The following NELL2 variants were observed in gnomAD, a reference collection of about 807,000 sequenced individuals.
NELL2 encodes the protein protein kinase C-binding protein NELL2.
In NELL2, 41 loss-of-function variants were observed where a neutral mutation model predicts 109.6. That is an observed-to-expected ratio of 0.37 (90% CI 0.29 to 0.49). NELL2 has a LOEUF of 0.49. Among genes scored for constraint, NELL2 ranks in the 20% least tolerant of loss-of-function variants. The probability of loss-of-function intolerance (pLI) is 0.98; values close to 1 mark genes in which losing one functional copy is unlikely to be tolerated. For missense variants in NELL2, 900 were observed against 1,008.3 expected, an observed-to-expected ratio of 0.89 and a Z score of 1.45; for synonymous variants, 355 against 344.7, an observed-to-expected ratio of 1.03 and a Z score of -0.33.
At chr12:44,909,916 T>G (rs1005465692) in intron 1 of NELL2, among the ~76,000 whole-genome samples, 1 of 151,988 alleles carries the variant, frequency 6.6e-6, no homozygotes, top group African/African-American at 2.4e-5. Context: ...CTGGAATAGC[T>G]GTCCAGCTAT....
chr12:44,789,061 A>G (rs1942286994), intron 3 of NELL2, among the ~76,000 whole-genome samples: 1 of 151,186 alleles, frequency 6.6e-6, no homozygotes, highest in Non-Finnish European at 1.5e-5. Context: ...GTCCTTCCCT[A>G]CTCACCCTGG....
At chr12:44,772,741 T>C (rs1941596895) in intron 9 of NELL2, among the ~76,000 whole-genome samples, 4 of 152,178 alleles carry the variant, frequency 2.6e-5, no homozygotes, top group Admixed American at 1.3e-4. Flanking sequence ...ATAAAGTCGC[T>C]TAATACTTAT....
chr12:44,743,260 T>C (rs1001654654), intron 9 of NELL2, among the ~76,000 whole-genome samples: 1 of 152,138 alleles, frequency 6.6e-6, no homozygotes, highest in African/African-American at 2.4e-5. Flanking sequence ...CTGAGAGATT[T>C]TGTCACCACC....
At chr12:44,883,897 GA>G (rs1282752803) in intron 1 of NELL2, among the ~76,000 whole-genome samples, 10 of 151,720 alleles carry the variant, frequency 6.6e-5, no homozygotes, top group Non-Finnish European at 1.0e-4. Context: ...AAGAAAGCAG[GA>G]AATAGTTAAG....
intron 8 of NELL2, among the ~76,000 whole-genome samples, 177 bp downstream of exon 8, chr12:44,775,843 TAG>T (rs1941736794): frequency 6.6e-6 from 1 of 152,246 alleles, no homozygotes; most frequent in African/African-American, 2.4e-5. Flanking sequence ...CTTTAGAAGC[TAG>T]AAAGTGTTTT....
chr12:44,554,834 G>T (rs950487520), intron 15 of NELL2, among the ~76,000 whole-genome samples: 1 of 152,184 alleles, frequency 6.6e-6, no homozygotes, highest in Non-Finnish European at 1.5e-5. Context: ...ATTGAGGAGG[G>T]AGAGTTGGTG....
At chr12:44,824,292 T>G (rs189049702) in intron 2 of NELL2, among the ~76,000 whole-genome samples, 42 of 152,356 alleles carry the variant, frequency 2.8e-4, no homozygotes, top group African/African-American at 9.9e-4. Context: ...TTTGCCTCTT[T>G]GCCTTTGTTG....
chr12:44,876,347 T>G, upstream of NELL2: 1 of 1,181,634 alleles, frequency 8.5e-7, no homozygotes, highest in East Asian at 3.9e-5. Context: ...GCGGAGAGAC[T>G]GCTCCTCCGG....
intron 12 of NELL2, 32 bp from the exon 13 acceptor site, chr12:44,665,641 A>G (rs1274727292): frequency 1.3e-6 from 2 of 1,596,726 alleles, no homozygotes; most frequent in African/African-American, 1.3e-5. Context: ...AGAGGTCAAC[A>G]GTGGGCAATA....
chr12:44,634,304 T>C (rs1313760421), intron 13 of NELL2, among the ~76,000 whole-genome samples: 2 of 152,100 alleles, frequency 1.3e-5, no homozygotes, highest in Non-Finnish European at 2.9e-5. Flanking sequence ...GTATTTCTGC[T>C]AATGCTATCC....
chr12:44,695,105 G>A (rs1949021902), intron 12 of NELL2, among the ~76,000 whole-genome samples: 2 of 148,654 alleles, frequency 1.3e-5, no homozygotes, highest in Non-Finnish European at 3.0e-5. Context: ...AGAGGGGGAG[G>A]GAGGAAAGAG....
At chr12:44,768,223 T>C (rs1941410078) in intron 9 of NELL2, among the ~76,000 whole-genome samples, 1 of 152,218 alleles carries the variant, frequency 6.6e-6, no homozygotes, top group Non-Finnish European at 1.5e-5. Context: ...AGTTTATTAA[T>C]ATATTGCCAA....
chr12:44,768,161 A>G (rs948659119), intron 9 of NELL2, among the ~76,000 whole-genome samples: 1 of 152,164 alleles, frequency 6.6e-6, no homozygotes, highest in Non-Finnish European at 1.5e-5. Flanking sequence ...ATTAAAATAT[A>G]TCACATGCTG....
At chr12:44,550,193 A>G (rs1311863433) in intron 15 of NELL2, among the ~76,000 whole-genome samples, 1 of 152,174 alleles carries the variant, frequency 6.6e-6, no homozygotes, top group African/African-American at 2.4e-5. Flanking sequence ...TTCACACACA[A>G]AAGAATGAAA....
chr12:44,745,249 C>A (rs1940266707), intron 9 of NELL2, among the ~76,000 whole-genome samples: 1 of 150,202 alleles, frequency 6.7e-6, no homozygotes, highest in South Asian at 2.1e-4. Flanking sequence ...CAAAATTCAA[C>A]AACCTTCATG....
chr12:44,875,291 C>T lies in NELL2; in HGVS notation c.118G>A (p.Glu40Lys), dbSNP rs769053408. Residue 40 changes from glutamate (E) to lysine (K), a missense_variant, in exon 2 of 20, where the codon GAG becomes AAG. Transcript: ENST00000429094. The stretch of plus-strand genomic sequence containing the variant: ...ACCTGACGCACTCCGGTCGTGGACT[C>T]CCCAAGTTCTAACTCTGTTAAGACG... The part of the protein sequence containing the change: ...IDVLTELELG[E>K]STTGVRQVPG... The T allele has an allele frequency of 2.5e-6, 4 of 1,614,134 alleles. No homozygotes were observed. The South Asian group carries it at 4.4e-5, about 18-fold the overall frequency.
intron 13 of NELL2, among the ~76,000 whole-genome samples, chr12:44,636,729 T>C (rs1422019041): frequency 1.3e-5 from 2 of 152,200 alleles, no homozygotes; most frequent in African/African-American, 2.4e-5. Flanking sequence ...ATCAGGGATA[T>C]TGGTCTGAAA....
intron 12 of NELL2, among the ~76,000 whole-genome samples, chr12:44,700,634 T>A (rs944119586): frequency 6.6e-6 from 1 of 152,100 alleles, no homozygotes; most frequent in South Asian, 2.1e-4. Flanking sequence ...GATTCCAGAA[T>A]AAAACTCTTC....
chr12:44,920,887 G>A (rs1038380132), intron 1 of NELL2, among the ~76,000 whole-genome samples: 1 of 152,140 alleles, frequency 6.6e-6, no homozygotes, highest in Non-Finnish European at 1.5e-5. Context: ...CCACAACTCT[G>A]GAGTCTGTCT....
Sources: allele counts gnomAD v4.1 joint callset (sites outside exome capture counted in the v4.1 genomes callset), GRCh38; gene constraint gnomAD v4.1.1; transcripts MANE v1.5; gene names NCBI Gene and HGNC (gene_info 2026-07-23, HGNC 2026-07-21).